ATP8A1: variants seen among roughly 807,000 people sequenced by gnomAD.
ATP8A1 encodes phospholipid-transporting ATPase IA.
In ATP8A1, 90 loss-of-function variants were observed where a neutral mutation model predicts 177.7. The ratio of observed to expected loss-of-function variants is 0.51; its 90% CI spans 0.43 to 0.60. The LOEUF (loss-of-function observed/expected upper bound fraction) is 0.60, where lower values mean the gene tolerates loss of function less well. Among genes scored for constraint, ATP8A1 ranks in the 20% least tolerant of loss-of-function variants. The probability of loss-of-function intolerance (pLI) is 0.00; values close to 1 mark genes in which losing one functional copy is unlikely to be tolerated. For synonymous variants in ATP8A1, 493 were observed against 485.9 expected, an observed-to-expected ratio of 1.01 and a Z score of -0.19; for missense variants, 1,072 against 1,392.8, an observed-to-expected ratio of 0.77 and a Z score of 3.67.
At chr4:42,648,375 G>A (rs1560561988) in intron 1 of ATP8A1, among the ~76,000 whole-genome samples, 1 of 151,880 alleles carries the variant, frequency 6.6e-6, no homozygotes, top group Non-Finnish European at 1.5e-5. Context: ...GTGGGGTGGG[G>A]GGAAGGGAAA....
intron 21 of ATP8A1, among the ~76,000 whole-genome samples, chr4:42,524,042 A>G (rs1726424471): frequency 1.3e-5 from 2 of 152,338 alleles, no homozygotes; most frequent in Non-Finnish European, 1.5e-5. Flanking sequence ...AGATTCAGCT[A>G]TAACTACCAT....
rs1294160455 is a variant in ATP8A1, at chr4:42,635,982, G to A, written c.50-8873C>T. 3.3e-5 allele frequency among the ~76,000 whole-genome samples: 5 copies of A among 151,322 alleles called. No individual in the cohort carries two copies. The East Asian group carries it at 7.8e-4, about 24-fold the overall frequency. On this transcript the variant is annotated intron_variant, in intron 1 of 36. Coordinates refer to ENST00000381668, the MANE Select transcript of ATP8A1 (RefSeq NM_006095.2). Reference sequence around the variant, plus strand: ...GTTCAGCCTTTTCATCTCTCCAGATGGCAAATTGACTGTGATTGGCTTAGC... The same window carrying A: ...GTTCAGCCTTTTCATCTCTCCAGATAGCAAATTGACTGTGATTGGCTTAGC...
chr4:42,572,114 C>A (rs1731967384), intron 14 of ATP8A1, among the ~76,000 whole-genome samples: 1 of 152,158 alleles, frequency 6.6e-6, no homozygotes, highest in Non-Finnish European at 1.5e-5. Context: ...ACTTGTAACA[C>A]CAAAGGCTTT....
At chr4:42,451,177 A>C (rs1560338565) in intron 30 of ATP8A1, among the ~76,000 whole-genome samples, 1 of 152,126 alleles carries the variant, frequency 6.6e-6, no homozygotes, top group Non-Finnish European at 1.5e-5. Context: ...TGGAGAGGAG[A>C]TCATCAGTGG....
intron 24 of ATP8A1, among the ~76,000 whole-genome samples, chr4:42,501,666 T>C (rs1156980220): frequency 6.6e-6 from 1 of 152,246 alleles, no homozygotes; most frequent in Non-Finnish European, 1.5e-5. Context: ...AATAATGATT[T>C]ACCTACAGGC....
intron 24 of ATP8A1, among the ~76,000 whole-genome samples, chr4:42,497,925 TA>T (rs200610584): frequency 6.8e-6 from 1 of 148,118 alleles, no homozygotes; most frequent in Non-Finnish European, 1.5e-5. Flanking sequence ...TAGGACATTA[TA>T]AAAAAATATC....
At chr4:42,454,280 A>G (rs542149024) in intron 29 of ATP8A1, among the ~76,000 whole-genome samples, 96 of 152,324 alleles carry the variant, frequency 6.3e-4, no homozygotes, top group African/African-American at 2.2e-3. Flanking sequence ...TAGAGGCACC[A>G]AAACACCTGT....
At chr4:42,646,432 C>A (rs1008323426) in intron 1 of ATP8A1, among the ~76,000 whole-genome samples, 1 of 152,218 alleles carries the variant, frequency 6.6e-6, no homozygotes, top group South Asian at 2.1e-4. Flanking sequence ...GGAAGGGACA[C>A]GGGAAAAAGA....
chr4:42,479,759 A>C (rs1721463044), intron 25 of ATP8A1, among the ~76,000 whole-genome samples: 1 of 152,190 alleles, frequency 6.6e-6, no homozygotes, highest in Admixed American at 6.5e-5. Context: ...AGTTAGTATG[A>C]AACAAAACAG....
chr4:42,580,938 A>G (rs1183704900), intron 10 of ATP8A1, among the ~76,000 whole-genome samples: 2 of 152,234 alleles, frequency 1.3e-5, no homozygotes, highest in African/African-American at 4.8e-5. Context: ...AAAGATAGAA[A>G]TTTAAAAAGT....
chr4:42,566,344 G>C (rs1269154119), intron 15 of ATP8A1, among the ~76,000 whole-genome samples: 1 of 152,120 alleles, frequency 6.6e-6, no homozygotes, highest in African/African-American at 2.4e-5. Context: ...AGCCATATTG[G>C]AATGCCCTTT....
chr4:42,563,680 G>T (rs952090337), intron 15 of ATP8A1, among the ~76,000 whole-genome samples: 3 of 152,162 alleles, frequency 2.0e-5, no homozygotes, highest in Non-Finnish European at 4.4e-5. Flanking sequence ...TCTAGGACTT[G>T]GTGCCCTGTG....
chr4:42,507,799 A>C lies in ATP8A1; in HGVS notation c.1948-645T>G, dbSNP rs1486220130. Among the ~76,000 whole-genome samples the C allele has an allele frequency of 2.7e-4, 32 of 119,010 alleles. 1 individual carries two copies. The highest frequency in any genetic ancestry group is 4.5e-3 in the Middle Eastern group (1 of 222). The allele number at this position is 119,010 out of a possible 152,430, so 78.1% of individuals were successfully genotyped here. A position where few individuals can be genotyped will look rare whatever the true frequency, so the allele number is the denominator to read the frequency against. ...GCATTCTAAAAAAAAAAAAAAAAAAAAAAAAAAAAACATACAAACAGCTAT... is the reference window on the plus strand; with the variant it reads ...GCATTCTAAAAAAAAAAAAAAAAAACAAAAAAAAAACATACAAACAGCTAT... On this transcript the variant is annotated intron_variant, in intron 22 of 36. Transcript: ENST00000381668.
chr4:42,649,478 T>A (rs952761274), intron 1 of ATP8A1, among the ~76,000 whole-genome samples: 4 of 152,234 alleles, frequency 2.6e-5, no homozygotes, highest in Non-Finnish European at 4.4e-5. Flanking sequence ...TAAAAGTTTA[T>A]AATCACAATG....
chr4:42,639,025 T>C (rs923585436), intron 1 of ATP8A1, among the ~76,000 whole-genome samples: 4 of 152,186 alleles, frequency 2.6e-5, no homozygotes, highest in African/African-American at 7.2e-5. Flanking sequence ...ATATGTATTC[T>C]GGATTTCAGG....
chr4:42,444,475 T>A, intron 32 of ATP8A1, 103 bp downstream of exon 32: 1 of 1,129,550 alleles, frequency 8.9e-7, no homozygotes, highest in Non-Finnish European at 1.3e-6. Flanking sequence ...CTAGGACATA[T>A]TAACCTGGGA....
chr4:42,422,322 C>T (rs1714053780), intron 35 of ATP8A1, among the ~76,000 whole-genome samples: 1 of 152,118 alleles, frequency 6.6e-6, no homozygotes, highest in South Asian at 2.1e-4. Context: ...GAACTCCTGA[C>T]CTTGTTATCT....
At chr4:42,461,415 T>C (rs1484903731) in intron 27 of ATP8A1, among the ~76,000 whole-genome samples, 1 of 152,114 alleles carries the variant, frequency 6.6e-6, no homozygotes, top group Non-Finnish European at 1.5e-5. Context: ...TCCAATGCTG[T>C]TCTTGTGATA....
intron 24 of ATP8A1, among the ~76,000 whole-genome samples, chr4:42,495,082 T>C (rs1056844817): frequency 2.6e-5 from 4 of 152,260 alleles, no homozygotes; most frequent in African/African-American, 9.6e-5. Flanking sequence ...CATATTTTAT[T>C]AGCTGTTTTG....
Sources: gnomAD v4.1 joint callset for allele counts (sites outside exome capture counted in the v4.1 genomes callset) on GRCh38, gnomAD v4.1.1 for gene constraint, MANE v1.5 for transcripts, NCBI Gene and HGNC (gene_info 2026-07-23, HGNC 2026-07-21) for gene names.